DNAJC13: variants seen among roughly 807,000 people sequenced by gnomAD.
The protein encoded by DNAJC13 is dnaJ homolog subfamily C member 13.
A neutral mutation model predicts 290.5 loss-of-function variants in DNAJC13; 75 were observed. The ratio of observed to expected loss-of-function variants is 0.26; its 90% CI spans 0.21 to 0.31. The LOEUF (loss-of-function observed/expected upper bound fraction) is 0.31, where lower values mean the gene tolerates loss of function less well. Among genes scored for constraint, DNAJC13 ranks in the 10% least tolerant of loss-of-function variants. DNAJC13 has a pLI of 1.00. For missense variants in DNAJC13, 2,260 were observed against 2,674.5 expected, an observed-to-expected ratio of 0.85 and a Z score of 3.42; for synonymous variants, 862 against 892.0, an observed-to-expected ratio of 0.97 and a Z score of 0.60.
At chr3:132,459,607 A>C (rs1452960445) in intron 13 of DNAJC13, among the ~76,000 whole-genome samples, 1 of 152,218 alleles carries the variant, frequency 6.6e-6, no homozygotes, top group Non-Finnish European at 1.5e-5. Context: ...CAATAAAAAA[A>C]AGTAAGAAAC....
intron 28 of DNAJC13, chr3:132,484,364 G>A (rs960047244): frequency 6.8e-6 from 4 of 584,672 alleles, no homozygotes; most frequent in Non-Finnish European, 1.2e-5. Context: ...CTCTTCTAGG[G>A]TACTGTTTTT....
chr3:132,456,391 T>A lies in DNAJC13; in HGVS notation c.1089T>A (p.Ala363=). 2 of 1,612,852 alleles carry A rather than the reference T, an allele frequency of 1.2e-6. No individual in the cohort carries two copies. The highest frequency in any genetic ancestry group is 1.7e-6 in the Non-Finnish European group (2 of 1,179,586). ...AGAGCCTTCACCTCAGGTTCTTAGC[T>A]ACGCCTCCAAGTAAGTATTGATTTA... is the stretch of plus-strand genomic sequence containing the variant. The part of the protein sequence containing the change: ...EVESLHLRFL[A]TPPNGNFADA... Residue 363 remains alanine (A), a synonymous_variant, in exon 10 of 56, where the codon GCT becomes GCA. Coordinates refer to ENST00000260818, the MANE Select transcript of DNAJC13 (RefSeq NM_015268.4).
At chr3:132,501,057 G>T in intron 39 of DNAJC13, 144 bp downstream of exon 39, 1 of 1,102,420 alleles carries the variant, frequency 9.1e-7, no homozygotes. Context: ...ATTTTTCACA[G>T]AAGCCTTGCT....
chr3:132,449,028 A>G (rs16839282), intron 5 of DNAJC13, among the ~76,000 whole-genome samples: 5,464 of 152,230 alleles, frequency 0.036, 262 homozygotes, highest in African/African-American at 0.11. Flanking sequence ...TCAGCCATTT[A>G]ATACTTTTCA....
intron 22 of DNAJC13, 122 bp downstream of exon 22, chr3:132,475,207 T>C: frequency 1.5e-6 from 1 of 659,756 alleles, no homozygotes; most frequent in Non-Finnish European, 2.2e-6. Context: ...CCCTTTAATG[T>C]TATGTAGGAA....
intron 20 of DNAJC13, among the ~76,000 whole-genome samples, chr3:132,471,895 G>A (rs1249815171): frequency 2.8e-5 from 4 of 145,142 alleles, no homozygotes; most frequent in Non-Finnish European, 6.2e-5. Flanking sequence ...CAAGGCAGGC[G>A]GCTGGGAGGT....
chr3:132,439,430 G>GT (rs1344544189), intron 2 of DNAJC13, among the ~76,000 whole-genome samples: 10 of 149,200 alleles, frequency 6.7e-5, no homozygotes, highest in Non-Finnish European at 1.3e-4. Context: ...ATACTGAGGG[G>GT]TTTTTTTTGT....
At chr3:132,420,830 C>T (rs760796380) in intron 1 of DNAJC13, among the ~76,000 whole-genome samples, 5 of 152,088 alleles carry the variant, frequency 3.3e-5, no homozygotes, top group Non-Finnish European at 5.9e-5. Context: ...AAAGAACAGG[C>T]GTGCTCATTT....
intron 9 of DNAJC13, among the ~76,000 whole-genome samples, chr3:132,454,949 A>G (rs1576469366): frequency 6.6e-6 from 1 of 152,318 alleles, no homozygotes; most frequent in East Asian, 1.9e-4. Context: ...AAGTAAAGCA[A>G]CTTCTTTGTG....
At chr3:132,499,087 T>C (rs1935330468) in intron 36 of DNAJC13, 39 bp from the exon 37 acceptor site, 4 of 1,486,542 alleles carry the variant, frequency 2.7e-6, no homozygotes, top group Non-Finnish European at 2.7e-6. Flanking sequence ...ATAATCAATT[T>C]TGTTTTGTTT....
chr3:132,480,353 T>C lies in DNAJC13; in HGVS notation c.2773-16T>C, dbSNP rs774790274. ...AAAAATGTTTAGATTACGAAAAAAATGTTTTCCTCTTCCAGAAAAATGTTA... is the reference window on the plus strand; with the variant it reads ...AAAAATGTTTAGATTACGAAAAAAACGTTTTCCTCTTCCAGAAAAATGTTA... On this transcript the variant is annotated splice_polypyrimidine_tract_variant and intron_variant, in intron 25 of 55. Coordinates refer to ENST00000260818, the MANE Select transcript of DNAJC13 (RefSeq NM_015268.4). The C allele has an allele frequency of 1.3e-6, 2 of 1,584,600 alleles. No homozygotes were observed. The highest frequency in any genetic ancestry group is 1.7e-6 in the Non-Finnish European group (2 of 1,154,636).
chr3:132,492,675 TG>T, intron 33 of DNAJC13, 60 bp downstream of exon 33: 1 of 1,467,438 alleles, frequency 6.8e-7, no homozygotes, highest in East Asian at 2.3e-5. Context: ...TAAACACTTC[TG>T]GGTATTTTGT....
Position 132,475,058 on chromosome 3 carries a change from G to A in DNAJC13, c.2418G>A (p.Val806=), listed in dbSNP as rs746262746. 6.8e-6 allele frequency: 11 copies of A among 1,607,784 alleles called. No individual in the cohort carries two copies. The highest frequency in any genetic ancestry group is 5.1e-5 in the Admixed American group (3 of 59,374). Residue 806 remains valine (V), a synonymous_variant, in exon 22 of 56, where the codon GTG becomes GTA. Coordinates refer to ENST00000260818, the MANE Select transcript of DNAJC13 (RefSeq NM_015268.4). ...NIDRELGSAN[V]ISWNHHEFEV... ...ACAGAGAACTTGGAAGTGCAAATGT[G>A]ATCTCCTGGAACCACCATGAGTTTG...
At chr3:132,435,374 A>G (rs1359946572) in intron 2 of DNAJC13, among the ~76,000 whole-genome samples, 3 of 152,214 alleles carry the variant, frequency 2.0e-5, no homozygotes, top group Non-Finnish European at 4.4e-5. Flanking sequence ...ATTATTCTGA[A>G]TCGTGCCACA....
intron 29 of DNAJC13, among the ~76,000 whole-genome samples, chr3:132,487,191 G>C (rs1559893013): frequency 6.6e-6 from 1 of 152,012 alleles, no homozygotes; most frequent in Non-Finnish European, 1.5e-5. Context: ...TCTCACATAT[G>C]AGTATAGAAC....
intron 40 of DNAJC13, among the ~76,000 whole-genome samples, chr3:132,502,790 G>A (rs888959845): frequency 1.3e-5 from 2 of 152,212 alleles, no homozygotes; most frequent in African/African-American, 4.8e-5. Flanking sequence ...CCATCAGGCA[G>A]TTGAGGCTAG....
At chr3:132,506,512 A>AT (rs1373088938) in intron 42 of DNAJC13, among the ~76,000 whole-genome samples, 1 of 48,902 alleles carries the variant, frequency 2.0e-5, no homozygotes. Context: ...TTCCTCCTCT[A>AT]TTTTTTAGCA....
At position 132,462,383 on chromosome 3, in the gene DNAJC13, A is replaced by G. The variant is rs562880959; in HGVS notation, c.1714-84A>G. ...TGGCTTATACCTTGTGTAAAAATGTATACCCTTCTTAAGAGTAACAGCTAA... is the reference window on the plus strand; with the variant it reads ...TGGCTTATACCTTGTGTAAAAATGTGTACCCTTCTTAAGAGTAACAGCTAA... On this transcript the variant is annotated intron_variant, in intron 15 of 55. Transcript: ENST00000260818. 4 of 1,313,370 alleles carry G rather than the reference A, an allele frequency of 3.0e-6. No homozygotes were observed. In the East Asian group the frequency reaches 9.4e-5, roughly 31 times the overall value. The allele number at this position is 1,313,370 out of a possible 1,614,324, so 81.4% of individuals were successfully genotyped here.
Position 132,528,316 on chromosome 3 carries a change from T to G in DNAJC13, c.6509T>G (p.Leu2170Trp), listed in dbSNP as rs140537885. The G allele has an allele frequency of 4.1e-3, 6,672 of 1,614,158 alleles. 23 individuals are homozygous for G. The highest frequency in any genetic ancestry group is 5.1e-3 in the Non-Finnish European group (6,020 of 1,179,996). The change falls in exon 54 of 56, where the codon TTG becomes TGG. Residue 2170 changes from leucine (L) to tryptophan (W), a missense_variant. Coordinates refer to ENST00000260818, the MANE Select transcript of DNAJC13 (RefSeq NM_015268.4). ...VKALKAMTRS[L>W]QYGEQVNEIL... is the part of the protein sequence containing the mutation. ...GCTCTCAAGGCAATGACTCGAAGTTTGCAGTATGGAGAACAGGTGAGTCTG... is the reference window on the plus strand; with the variant it reads ...GCTCTCAAGGCAATGACTCGAAGTTGGCAGTATGGAGAACAGGTGAGTCTG...
Sources: allele counts gnomAD v4.1 joint callset (sites outside exome capture counted in the v4.1 genomes callset), GRCh38; gene constraint gnomAD v4.1.1; transcripts MANE v1.5; gene names NCBI Gene and HGNC (gene_info 2026-07-23, HGNC 2026-07-21).